IL1RAPL2: variants seen among roughly 807,000 people sequenced by gnomAD.
IL1RAPL2 encodes X-linked interleukin-1 receptor accessory protein-like 2.
In IL1RAPL2, 3 loss-of-function variants were observed where a neutral mutation model predicts 44.1. That is an observed-to-expected ratio of 0.07 (90% CI 0.03 to 0.18). The LOEUF is 0.18. IL1RAPL2 is among the 10% of genes least tolerant of loss of function. IL1RAPL2 has a pLI of 1.00. For synonymous variants in IL1RAPL2, 181 were observed against 178.8 expected, an observed-to-expected ratio of 1.01 and a Z score of -0.10; for missense variants, 391 against 496.4, an observed-to-expected ratio of 0.79 and a Z score of 2.02.
chrX:104,730,624 G>T (rs1209455070), intron 2 of IL1RAPL2, among the ~76,000 whole-genome samples: 2 of 103,890 alleles, frequency 1.9e-5, no homozygotes, highest in East Asian at 3.1e-4. Flanking sequence ...GTCTATCATC[G>T]TTGGACATTT....
rs2038150531 is a variant in IL1RAPL2, at chrX:105,704,772, C to G, written c.773-12595C>G. The stretch of plus-strand genomic sequence containing the variant: ...CATTAGCTATTTTTCCTAATGTTCT[C>G]CCTCCCACCACCCCACCCACCAACA... On this transcript the variant is annotated intron_variant, in intron 6 of 10. Coordinates refer to ENST00000372582, the MANE Select transcript of IL1RAPL2 (RefSeq NM_017416.2). Among the ~76,000 whole-genome samples the G allele has an allele frequency of 2.7e-5, 3 of 110,642 alleles. No homozygotes were observed. In the Admixed American group the frequency reaches 2.9e-4, roughly 11 times the overall value.
intron 6 of IL1RAPL2, among the ~76,000 whole-genome samples, chrX:105,534,513 T>C (rs1157373315): frequency 1.8e-5 from 2 of 110,774 alleles, no homozygotes. Flanking sequence ...CATAAATATA[T>C]ACACCCACCA....
intron 6 of IL1RAPL2, among the ~76,000 whole-genome samples, chrX:105,489,646 TTTCC>T (rs1326457619): frequency 5.4e-5 from 6 of 110,324 alleles, no homozygotes; most frequent in African/African-American, 9.9e-5. Flanking sequence ...ATAATTTTCT[TTTCC>T]TTCCTTCCTT....
chrX:105,054,142 G>A (rs1263274440), intron 2 of IL1RAPL2, among the ~76,000 whole-genome samples: 1 of 111,177 alleles, frequency 9.0e-6, no homozygotes, highest in Non-Finnish European at 1.9e-5. Context: ...CCCATCACAT[G>A]GCACACTAAT....
At chrX:105,590,285 C>T (rs1046559929) in intron 6 of IL1RAPL2, among the ~76,000 whole-genome samples, 11 of 110,691 alleles carry the variant, frequency 9.9e-5, no homozygotes, top group African/African-American at 3.3e-4. Flanking sequence ...GGGCAGAGAC[C>T]ATGTGGTTTT....
intron 2 of IL1RAPL2, among the ~76,000 whole-genome samples, chrX:104,889,946 C>G (rs1282427327): frequency 9.0e-6 from 1 of 110,715 alleles, no homozygotes; most frequent in African/African-American, 3.3e-5. Context: ...CTATCCCTCC[C>G]CCCTACCCCC....
intron 5 of IL1RAPL2, among the ~76,000 whole-genome samples, chrX:105,404,660 C>G (rs896128825): frequency 9.0e-6 from 1 of 110,976 alleles, no homozygotes; most frequent in African/African-American, 3.3e-5. Context: ...TATTTATATT[C>G]AAATGGTTCA....
At chrX:104,965,958 AAAAAGT>A (rs201038290) in intron 2 of IL1RAPL2, among the ~76,000 whole-genome samples, 6,146 of 110,895 alleles carry the variant, frequency 0.055, 439 homozygotes, top group African/African-American at 0.19. Context: ...AAATGTAAAG[AAAAAGT>A]AAGATTAGGA....
chrX:105,384,151 T>TC (rs2035458894), intron 5 of IL1RAPL2, among the ~76,000 whole-genome samples: 1 of 111,793 alleles, frequency 8.9e-6, no homozygotes, highest in African/African-American at 3.3e-5. Context: ...TGGTTGCCTG[T>TC]GTTTTTGAGG....
At chrX:104,841,831 T>C (rs1188203100) in intron 2 of IL1RAPL2, among the ~76,000 whole-genome samples, 2 of 110,555 alleles carry the variant, frequency 1.8e-5, no homozygotes, top group African/African-American at 6.6e-5. Context: ...ATTTTTTCCT[T>C]CATTTCAAAC....
chrX:104,742,614 T>A (rs1185992321), intron 2 of IL1RAPL2, among the ~76,000 whole-genome samples: 2 of 111,833 alleles, frequency 1.8e-5, no homozygotes, highest in African/African-American at 6.5e-5. Context: ...CACAGTTGAT[T>A]TTTTTAATAG....
chrX:105,595,602 G>GTTGTTTGT (rs749720909), intron 6 of IL1RAPL2, among the ~76,000 whole-genome samples: 1 of 109,488 alleles, frequency 9.1e-6, no homozygotes, highest in African/African-American at 3.4e-5. Flanking sequence ...TTTTGTTGTT[G>GTTGTTTGT]TTGTTTGTTT....
chrX:105,248,045 A>G (rs1188765083), intron 4 of IL1RAPL2, among the ~76,000 whole-genome samples: 4 of 111,349 alleles, frequency 3.6e-5, no homozygotes, highest in Non-Finnish European at 7.6e-5. Flanking sequence ...ATTTTGCTGC[A>G]TAATAGTTGA....
At chrX:104,890,958 C>A (rs779253109) in intron 2 of IL1RAPL2, among the ~76,000 whole-genome samples, 161 of 112,020 alleles carry the variant, frequency 1.4e-3, no homozygotes, top group African/African-American at 5.1e-3. Flanking sequence ...TTTACTCCCT[C>A]TTGAATTAAT....
chrX:105,264,700 G>T (rs1053914671), intron 4 of IL1RAPL2, among the ~76,000 whole-genome samples: 2 of 112,017 alleles, frequency 1.8e-5, no homozygotes, highest in African/African-American at 3.2e-5. Flanking sequence ...GCAAGCCTCT[G>T]GATTCTGGCT....
chrX:104,626,303 T>C (rs1929505343), intron 1 of IL1RAPL2, among the ~76,000 whole-genome samples: 1 of 106,691 alleles, frequency 9.4e-6, no homozygotes. Context: ...CTCATGCGTG[T>C]GTGTGTGTGC....
chrX:105,531,011 A>G (rs1430973138), intron 6 of IL1RAPL2, among the ~76,000 whole-genome samples: 1 of 111,700 alleles, frequency 9.0e-6, no homozygotes, highest in African/African-American at 3.3e-5. Context: ...TCCAAATCTT[A>G]GCTATTGTGA....
intron 2 of IL1RAPL2, among the ~76,000 whole-genome samples, chrX:104,843,338 G>C (rs1234034572): frequency 1.8e-5 from 2 of 111,569 alleles, no homozygotes; most frequent in African/African-American, 6.5e-5. Flanking sequence ...TAGCTTGCTG[G>C]GCTCTGTGGG....
chrX:105,617,492 G>T (rs1365125129), intron 6 of IL1RAPL2, among the ~76,000 whole-genome samples: 1 of 110,976 alleles, frequency 9.0e-6, no homozygotes, highest in Non-Finnish European at 1.9e-5. Flanking sequence ...TCCTGTATTT[G>T]ATTTTGGGTC....
Sources: gnomAD v4.1 joint callset for allele counts (sites outside exome capture counted in the v4.1 genomes callset) on GRCh38, gnomAD v4.1.1 for gene constraint, MANE v1.5 for transcripts, NCBI Gene and HGNC (gene_info 2026-07-23, HGNC 2026-07-21) for gene names.